CCDC171: variants seen among roughly 807,000 people sequenced by gnomAD.
CCDC171 encodes the protein coiled-coil domain containing 171.
In CCDC171, 177 loss-of-function variants were observed where a neutral mutation model predicts 168.2. The observed-to-expected ratio is 1.05, with a 90% confidence interval of 0.93 to 1.19. The LOEUF (loss-of-function observed/expected upper bound fraction) is 1.19. Among genes scored for constraint, CCDC171 ranks in the 50% most tolerant of loss-of-function variants. The probability of loss-of-function intolerance (pLI) is 0.00; values close to 1 mark genes in which losing one functional copy is unlikely to be tolerated. For synonymous variants in CCDC171, 687 were observed against 540.8 expected (o/e 1.27, Z -3.75); for missense variants, 1,991 against 1,539.0 (o/e 1.29, Z -4.91).
At chr9:15,807,795 C>T (rs1369756417) in intron 21 of CCDC171, among the ~76,000 whole-genome samples, 1 of 151,438 alleles carries the variant, frequency 6.6e-6, no homozygotes, top group African/African-American at 2.4e-5. Flanking sequence ...CTATCTCAGG[C>T]ACCTAGGTAT....
chr9:15,729,839 C>CA (rs2054045780), intron 16 of CCDC171, 41 bp downstream of exon 16: 1 of 1,532,330 alleles, frequency 6.5e-7, no homozygotes, highest in African/African-American at 1.4e-5. Flanking sequence ...ATGGGTTACT[C>CA]AGTGTAACCA....
chr9:15,691,065 T>C (rs2050741922), intron 10 of CCDC171, among the ~76,000 whole-genome samples: 1 of 152,204 alleles, frequency 6.6e-6, no homozygotes. Context: ...TCCTTTTGCC[T>C]CATTAAATCT....
chr9:15,635,473 A>G (rs2046127792), intron 7 of CCDC171, among the ~76,000 whole-genome samples: 1 of 152,184 alleles, frequency 6.6e-6, no homozygotes, highest in Non-Finnish European at 1.5e-5. Context: ...AGCACAGAGA[A>G]AGATGAAGGC....
Position 15,666,271 on chromosome 9 carries a change from G to A in CCDC171, c.1024G>A (p.Ala342Thr). 6.2e-7 allele frequency: 1 copy of A among 1,613,668 alleles called. No homozygotes were observed. Among genetic ancestry groups the A allele is most frequent in the East Asian group, 2.2e-5 (1 of 44,840 alleles). ...GAATGAATTCAAAGAAGTTGAAAGTGCATATGAGCGAGAAAAGCATAATGC... is the reference window on the plus strand; with the variant it reads ...GAATGAATTCAAAGAAGTTGAAAGTACATATGAGCGAGAAAAGCATAATGC... Reference protein sequence around the residue: ...IKNEFKEVESAYEREKHNAQE... With the variant: ...IKNEFKEVESTYEREKHNAQE... Residue 342 changes from alanine to threonine, a missense_variant, in exon 9 of 26, where the codon GCA becomes ACA. Coordinates refer to ENST00000380701, the MANE Select transcript of CCDC171 (RefSeq NM_173550.4).
chr9:15,862,237 T>C (rs1474484277), intron 23 of CCDC171, among the ~76,000 whole-genome samples: 1 of 151,816 alleles, frequency 6.6e-6, no homozygotes, highest in African/African-American at 2.4e-5. Flanking sequence ...ACTTAAACTG[T>C]CTTTATTCTT....
intron 3 of CCDC171, among the ~76,000 whole-genome samples, chr9:16,015,698 A>G (rs1407611641): frequency 6.6e-6 from 1 of 152,176 alleles, no homozygotes; most frequent in African/African-American, 2.4e-5. Context: ...GAGCATTCGT[A>G]TTGTTATGTA....
At chr9:15,663,101 G>T (rs1214536589) in intron 8 of CCDC171, among the ~76,000 whole-genome samples, 2 of 152,216 alleles carry the variant, frequency 1.3e-5, no homozygotes, top group African/African-American at 4.8e-5. Flanking sequence ...ACTATTTATA[G>T]ATGAGAAGCC....
the CCDC171 span, among the ~76,000 whole-genome samples, chr9:16,078,896 T>C: frequency 6.6e-6 from 1 of 152,160 alleles, no homozygotes; most frequent in Admixed American, 6.5e-5. Flanking sequence ...TTTGTACTTG[T>C]GGAGCAGAAA....
At chr9:15,874,924 TAAAAG>T (rs1758704600) in intron 24 of CCDC171, 1 of 238,766 alleles carries the variant, frequency 4.2e-6, no homozygotes, top group African/African-American at 2.2e-5. Flanking sequence ...AGTACAGTAT[TAAAAG>T]AAAATACTTT....
At chr9:15,677,925 TAA>T (rs1491226906) in intron 9 of CCDC171, among the ~76,000 whole-genome samples, 2,227 of 41,826 alleles carry the variant, frequency 0.053, 356 homozygotes, top group African/African-American at 0.066. Flanking sequence ...TATATATATA[TAA>T]GAGATGTGGT....
intron 1 of CCDC171, among the ~76,000 whole-genome samples, chr9:15,559,119 C>A: frequency 6.6e-6 from 1 of 152,054 alleles, no homozygotes; most frequent in East Asian, 1.9e-4. Context: ...AATTTCTGTT[C>A]TTTTACATTT....
At chr9:15,562,663 T>C (rs2039405268) in intron 1 of CCDC171, among the ~76,000 whole-genome samples, 1 of 152,208 alleles carries the variant, frequency 6.6e-6, no homozygotes, top group Non-Finnish European at 1.5e-5. Flanking sequence ...AAGAGGTAAA[T>C]AGAGGTCTGT....
At chr9:16,023,679 G>A (rs969654190) in intron 6 of CCDC171, among the ~76,000 whole-genome samples, 1 of 152,070 alleles carries the variant, frequency 6.6e-6, no homozygotes, top group Non-Finnish European at 1.5e-5. Context: ...TGGGTTCATT[G>A]GGCATTACTA....
intron 7 of CCDC171, among the ~76,000 whole-genome samples, chr9:15,630,410 A>G (rs1280977198): frequency 1.3e-5 from 2 of 152,200 alleles, no homozygotes; most frequent in African/African-American, 2.4e-5. Context: ...AAACCAACAA[A>G]GATCAAAAGA....
At chr9:15,621,630 C>T (rs2044513015) in intron 6 of CCDC171, among the ~76,000 whole-genome samples, 1 of 152,150 alleles carries the variant, frequency 6.6e-6, no homozygotes, top group African/African-American at 2.4e-5. Flanking sequence ...CAAAAAATAA[C>T]AGATGCTGGC....
At chr9:15,653,020 C>T (rs1048039288) in intron 7 of CCDC171, among the ~76,000 whole-genome samples, 27 of 152,156 alleles carry the variant, frequency 1.8e-4, no homozygotes, top group African/African-American at 6.0e-4. Flanking sequence ...TATCTTATCA[C>T]GTCAGCAATA....
intron 16 of CCDC171, among the ~76,000 whole-genome samples, chr9:15,732,650 A>G (rs1156302749): frequency 6.6e-6 from 1 of 152,132 alleles, no homozygotes; most frequent in Non-Finnish European, 1.5e-5. Context: ...CTGCTGAATA[A>G]TGTCCCATTG....
Position 16,059,615 on chromosome 9 carries a change from C to T in CCDC171, n.90-1031C>T, listed in dbSNP as rs576258989. Reference sequence around the variant, plus strand: ...CTGCAAGCTCCGCTTCCCAGGTTCACGCCATTCTCCTGCCTCAGCCTCCCG... The same window carrying T: ...CTGCAAGCTCCGCTTCCCAGGTTCATGCCATTCTCCTGCCTCAGCCTCCCG... On this transcript the variant is annotated intron_variant and non_coding_transcript_variant, in intron 1 of 1. Coordinates refer to the CCDC171 transcript ENST00000478913. Among the ~76,000 whole-genome samples the T allele has an allele frequency of 1.7e-3, 255 of 147,836 alleles. 1 individual carries two copies. The highest frequency in any genetic ancestry group is 6.4e-3 in the African/African-American group (251 of 39,518).
rs141184112 is a variant in CCDC171, at chr9:15,986,027, A to C, written n.369-34562A>C. 4.3e-4 allele frequency among the ~76,000 whole-genome samples: 66 copies of C among 152,354 alleles called. No individual in the cohort carries two copies. In the East Asian group the frequency reaches 6.0e-3, roughly 14 times the overall value. The stretch of plus-strand genomic sequence containing the variant: ...CAACAGAACCAAATGATGAACAAGA[A>C]GGCATAACTTCGTAAAAGAATGAAA... On this transcript the variant is annotated intron_variant and non_coding_transcript_variant, in intron 3 of 9. Transcript: ENST00000486641.
Sources: allele counts gnomAD v4.1 joint callset (sites outside exome capture counted in the v4.1 genomes callset), GRCh38; gene constraint gnomAD v4.1.1; transcripts MANE v1.5; gene names NCBI Gene and HGNC (gene_info 2026-07-23, HGNC 2026-07-21).